LRRC1: variants seen among roughly 807,000 people sequenced by gnomAD.
The protein encoded by LRRC1 is leucine rich repeat containing 1.
Under a neutral mutation model 69.9 loss-of-function variants are expected in LRRC1, and 28 were observed. The ratio of observed to expected loss-of-function variants is 0.40; its 90% confidence interval spans 0.30 to 0.55. The LOEUF (loss-of-function observed/expected upper bound fraction) is 0.55, where lower values mean the gene tolerates loss of function less well. Among genes scored for constraint, LRRC1 ranks in the 20% least tolerant of loss-of-function variants. The probability of loss-of-function intolerance (pLI) is 0.47; values close to 1 mark genes in which losing one functional copy is unlikely to be tolerated. For missense variants in LRRC1, 498 were observed against 609.0 expected (o/e 0.82, Z 1.92); for synonymous variants, 236 against 240.2 (o/e 0.98, Z 0.16).
In LRRC1 at chr6:53,798,435, G is replaced by C. The variant is rs144365822; in HGVS notation, c.159+3020G>C. Reference sequence around the variant, plus strand: ...CTCTTGTTGCCTAGGCTGGAGTGCAGTGGCACGATCTCCACTCACTGCAAG... The same window carrying C: ...CTCTTGTTGCCTAGGCTGGAGTGCACTGGCACGATCTCCACTCACTGCAAG... On this transcript the variant is annotated intron_variant, in intron 1 of 13. Coordinates refer to ENST00000370888, the MANE Select transcript of LRRC1 (RefSeq NM_018214.5). Among the ~76,000 whole-genome samples, 566 of 152,262 alleles carry C rather than the reference G, an allele frequency of 3.7e-3. 4 individuals are homozygous for C. The highest frequency in any genetic ancestry group is 0.013 in the African/African-American group (540 of 41,534).
At chr6:53,823,537 A>G (rs933548285) in intron 1 of LRRC1, among the ~76,000 whole-genome samples, 1 of 152,072 alleles carries the variant, frequency 6.6e-6, no homozygotes, top group Admixed American at 6.6e-5. Flanking sequence ...GTACATGTGC[A>G]GGTTTGTTAT....
At chr6:53,827,759 C>G (rs988244146) in intron 1 of LRRC1, among the ~76,000 whole-genome samples, 5 of 152,150 alleles carry the variant, frequency 3.3e-5, no homozygotes, top group African/African-American at 1.2e-4. Context: ...AGGTGTGGCT[C>G]TGATACCTTC....
chr6:53,887,811 A>C (rs1767538269), intron 4 of LRRC1, among the ~76,000 whole-genome samples: 1 of 152,216 alleles, frequency 6.6e-6, no homozygotes, highest in African/African-American at 2.4e-5. Context: ...GGGTATAATT[A>C]AGTGAATGAC....
chr6:53,868,836 CA>C (rs1426935348), intron 2 of LRRC1, among the ~76,000 whole-genome samples: 1 of 152,204 alleles, frequency 6.6e-6, no homozygotes, highest in Non-Finnish European at 1.5e-5. Flanking sequence ...CCCTAGGGAT[CA>C]CCCTCTCATC....
chr6:53,902,199 A>G (rs184742844), intron 8 of LRRC1, among the ~76,000 whole-genome samples: 179 of 152,350 alleles, frequency 1.2e-3, no homozygotes, highest in Admixed American at 3.4e-3. Context: ...ACCTGTAGAA[A>G]TACCGCACTG....
In LRRC1 at chr6:53,853,850, CTT is replaced by C. The variant is rs576531615; in HGVS notation, c.277+11625_277+11626del. Among the ~76,000 whole-genome samples the C allele has an allele frequency of 1.6e-4, 25 of 152,308 alleles. No homozygotes were observed. In the East Asian group the frequency reaches 4.6e-3, roughly 28 times the overall value. On this transcript the variant is annotated intron_variant, in intron 2 of 13. Transcript: ENST00000370888. ...GTGTAGCTTTCTTCTATGGAGATGA[CTT>C]TGTCCATCTCTGATTACTGATGATG...
intron 1 of LRRC1, among the ~76,000 whole-genome samples, chr6:53,823,121 G>A (rs1429300296): frequency 6.6e-6 from 1 of 152,052 alleles, no homozygotes; most frequent in African/African-American, 2.4e-5. Flanking sequence ...GGCTGCTATT[G>A]GTCTGAGCCT....
rs1454354225 is a variant in LRRC1, at chr6:53,795,014, G to A, written c.-243G>A. The A allele has an allele frequency of 2.4e-5, 8 of 331,758 alleles. No homozygotes were observed. Among genetic ancestry groups the A allele is most frequent in the African/African-American group, 1.5e-4 (7 of 45,478 alleles). 20.6% of individuals were successfully genotyped at this position (331,758 alleles called of 1,614,324 possible). ...GCGCGGCGGCGGGGGCGGCGACGGC[G>A]ACTGGCGGGTGGGAGTGGAGGCACC... On this transcript the variant is annotated 5_prime_UTR_variant, in exon 1 of 14. Coordinates refer to ENST00000370888, the MANE Select transcript of LRRC1 (RefSeq NM_018214.5).
chr6:53,807,972 C>T (rs913313883), intron 1 of LRRC1, among the ~76,000 whole-genome samples: 5 of 152,180 alleles, frequency 3.3e-5, no homozygotes, highest in African/African-American at 1.2e-4. Flanking sequence ...AGCTGGAGCC[C>T]TTGGCATGGG....
intron 8 of LRRC1, 76 bp downstream of exon 8, chr6:53,899,967 T>C: frequency 7.2e-7 from 1 of 1,394,740 alleles, no homozygotes. Flanking sequence ...ACTTTGATCC[T>C]TTGGTCACCA....
chr6:53,822,270 T>C (rs752013717), intron 1 of LRRC1, among the ~76,000 whole-genome samples: 91 of 152,332 alleles, frequency 6.0e-4, no homozygotes, highest in Non-Finnish European at 1.1e-3. Flanking sequence ...GAACATGGTT[T>C]ATACTTGCTT....
intron 8 of LRRC1, among the ~76,000 whole-genome samples, chr6:53,901,875 A>AT (rs1768068499): frequency 6.6e-6 from 1 of 152,096 alleles, no homozygotes; most frequent in Non-Finnish European, 1.5e-5. Flanking sequence ...GCCTTTCGGT[A>AT]TTTTTCTTTC....
chr6:53,849,950 C>CT lies in LRRC1; in HGVS notation c.277+7728dup, dbSNP rs199635817. On this transcript the variant is annotated intron_variant, in intron 2 of 13. Coordinates refer to ENST00000370888, the MANE Select transcript of LRRC1 (RefSeq NM_018214.5). ...CCAGACTGGGGGATAGAGCAAGTCC[C>CT]TTTTTAAAAAAAAGAAAAATGATTC... 2.0e-3 allele frequency among the ~76,000 whole-genome samples: 304 copies of CT among 151,792 alleles called. 4 individuals carry two copies. In the East Asian group the frequency reaches 0.041, roughly 21 times the overall value.
chr6:53,878,801 G>A (rs923045609), intron 2 of LRRC1, among the ~76,000 whole-genome samples, 192 bp from the exon 3 acceptor site: 7 of 152,122 alleles, frequency 4.6e-5, no homozygotes, highest in African/African-American at 1.2e-4. Context: ...TTTCTTTAAT[G>A]TGCTTCTGTT....
chr6:53,845,701 TGAATGTGCAAG>T (rs1765921317), intron 2 of LRRC1, among the ~76,000 whole-genome samples: 1 of 152,224 alleles, frequency 6.6e-6, no homozygotes, highest in African/African-American at 2.4e-5. Flanking sequence ...TTATCATACT[TGAATGTGCAAG>T]GAATTATCTG....
chr6:53,854,151 A>G (rs1009871698), intron 2 of LRRC1, among the ~76,000 whole-genome samples: 6 of 152,238 alleles, frequency 3.9e-5, no homozygotes. Flanking sequence ...GTAGTGTACT[A>G]CACGAGGCTC....
intron 2 of LRRC1, among the ~76,000 whole-genome samples, chr6:53,850,329 A>C (rs1766086267): frequency 6.6e-6 from 1 of 152,236 alleles, no homozygotes; most frequent in Non-Finnish European, 1.5e-5. Context: ...GCAGTGTAAC[A>C]GTTCTTATAC....
At chr6:53,893,259 T>C (rs531419773) in intron 4 of LRRC1, among the ~76,000 whole-genome samples, 1 of 152,284 alleles carries the variant, frequency 6.6e-6, no homozygotes, top group South Asian at 2.1e-4. Flanking sequence ...ATATTTATTT[T>C]AGGGAAAATC....
chr6:53,804,362 C>T (rs192282715), intron 1 of LRRC1, among the ~76,000 whole-genome samples: 1 of 152,224 alleles, frequency 6.6e-6, no homozygotes, highest in African/African-American at 2.4e-5. Flanking sequence ...TACCCATCAC[C>T]TCACATATTT....
Sources: gnomAD v4.1 joint callset for allele counts (sites outside exome capture counted in the v4.1 genomes callset) on GRCh38, gnomAD v4.1.1 for gene constraint, MANE v1.5 for transcripts, NCBI Gene and HGNC (gene_info 2026-07-23, HGNC 2026-07-21) for gene names.